SLC19A1: variants seen among roughly 807,000 people sequenced by gnomAD.
SLC19A1 encodes the protein solute carrier family 19 member 1.
SLC19A1 carries 37 observed loss-of-function variants against 35.3 expected under a neutral mutation model. The observed-to-expected ratio is 1.05, with a 90% CI of 0.81 to 1.38. The LOEUF is 1.38. Ranked by LOEUF, SLC19A1 falls within the 40% of genes most tolerant of loss-of-function variation. The probability of loss-of-function intolerance (pLI) is 0.00; values close to 1 mark genes in which losing one functional copy is unlikely to be tolerated. For synonymous variants in SLC19A1, 460 were observed against 398.5 expected, an observed-to-expected ratio of 1.15 and a Z score of -1.84; for missense variants, 831 against 826.9, an observed-to-expected ratio of 1.00 and a Z score of -0.06.
intron 3 of SLC19A1, chr21:45,506,112 A>C: frequency 7.8e-7 from 1 of 1,284,848 alleles, no homozygotes; most frequent in Non-Finnish European, 1.1e-6. Context: ...CTTTTGGTAA[A>C]GTTTAGTAAA....
chr21:45,515,880 C>T lies in SLC19A1; in HGVS notation c.1554G>A (p.Gln518=). 6.4e-7 allele frequency: 1 copy of T among 1,573,304 alleles called. No homozygotes were observed. The highest frequency in any genetic ancestry group is 8.6e-7 in the Non-Finnish European group (1 of 1,159,428). The change falls in exon 6 of 6, where the codon CAG becomes CAA. Residue 518 remains glutamine, a synonymous_variant. Transcript: ENST00000311124. ...GGGCCAGGTATGGGTCGCTCTGTCT[C>T]TGCTCCAGGGAGGCTGGCCCCACAG... ...LGAVGPASLE[Q]RQSDPYLAQA...
rs892346959 is a variant in SLC19A1 at position 45,540,179 on chromosome 21, C to A, written c.-49-2171G>T. Reference sequence around the variant, plus strand: ...GGGTAGAGCTGGACATACCTCAGACCGCACCCACTCCTCCCCACTGGGAGA... The same window carrying A: ...GGGTAGAGCTGGACATACCTCAGACAGCACCCACTCCTCCCCACTGGGAGA... On this transcript the variant is annotated intron_variant, in intron 1 of 5. Transcript: ENST00000311124. This position sits in a 1 kb window ranked among gnomAD's most constrained non-coding sequence, Gnocchi z 5.5. Among the ~76,000 whole-genome samples the A allele has an allele frequency of 2.0e-5, 3 of 152,152 alleles. No homozygotes were observed. In the East Asian group the frequency reaches 5.8e-4, roughly 29 times the overall value.
At chr21:45,507,646 T>C, downstream of SLC19A1, 3 of 1,527,838 alleles carry the variant, frequency 2.0e-6, no homozygotes, top group Non-Finnish European at 2.7e-6. Context: ...CATGAGGGGG[T>C]ATGTGCTGTC....
At chr21:45,536,124 CCCACCAAGTGGCA>C (rs1431386512) in intron 2 of SLC19A1, 1 of 176,188 alleles carries the variant, frequency 5.7e-6, no homozygotes, top group East Asian at 1.6e-4. Flanking sequence ...GATCGGGGGC[CCCACCAAGTGGCA>C]GGTGCGCAGA....
intron 5 of SLC19A1, among the ~76,000 whole-genome samples, chr21:45,521,711 C>T (rs1013708358): frequency 6.6e-6 from 1 of 152,170 alleles, no homozygotes; most frequent in African/African-American, 2.4e-5. Flanking sequence ...AACAGACTCA[C>T]ATAAATATGC....
In SLC19A1 at chr21:45,537,919, A is replaced by G; in HGVS notation, c.41T>C (p.Val14Ala). 1 of 1,591,168 alleles carries G rather than the reference A, an allele frequency of 6.3e-7. No individual in the cohort carries two copies. Among genetic ancestry groups the G allele is most frequent in the South Asian group, 1.1e-5 (1 of 88,284 alleles). Residue 14 changes from valine (V) to alanine (A), a missense_variant, in exon 2 of 6, where the codon GTG (valine) becomes GCG (alanine). Physicochemically the swap from Val to Ala is moderately conservative, Grantham distance 64. Transcript: ENST00000311124. The stretch of plus-strand genomic sequence containing the variant: ...GAGCTCGGGGTCAGGCCCAGGTTCC[A>G]CGGGCACCTGCTTCTCCACCGCTGG... ...SSPAVEKQVP[V>A]EPGPDPELRS...
downstream of SLC19A1, among the ~76,000 whole-genome samples, chr21:45,508,501 GGTGGGTAAGTGGGTTA>G (rs1035741195): frequency 2.7e-5 from 4 of 150,820 alleles, no homozygotes; most frequent in Admixed American, 2.6e-4. Context: ...GTGGATGGAT[GGTGGGTAAGTGGGTTA>G]GTGGATGGGT....
downstream of SLC19A1, chr21:45,511,313 A>G (rs2037596121): frequency 2.7e-6 from 2 of 738,212 alleles, no homozygotes; most frequent in Non-Finnish European, 4.9e-6. Context: ...TTTCCCCCCG[A>G]GTTTTTGGAC....
At chr21:45,507,950 A>G (rs1465475804), downstream of SLC19A1, among the ~76,000 whole-genome samples, 1 of 152,222 alleles carries the variant, frequency 6.6e-6, no homozygotes, top group African/African-American at 2.4e-5. Context: ...ACAAGAATGG[A>G]TATCTCTAAG....
rs756983114 is a variant in SLC19A1 at position 45,517,978 on chromosome 21, C to T, written c.1294-1838G>A. ...TCATACCCAAAATGCTTGCATCTCA[C>T]TAAAAAATCCCTTGGCACACTAAAC... On this transcript the variant is annotated intron_variant, in intron 5 of 5. Coordinates refer to ENST00000311124, the MANE Select transcript of SLC19A1 (RefSeq NM_194255.4). The surrounding 1 kb of genome is among the most constrained non-coding windows in gnomAD (Gnocchi z 4.4). Among the ~76,000 whole-genome samples the T allele has an allele frequency of 9.2e-5, 14 of 152,198 alleles. No individual in the cohort carries two copies. The highest frequency in any genetic ancestry group is 1.3e-4 in the Non-Finnish European group (9 of 68,038).
At chr21:45,509,831 G>A (rs116463079), downstream of SLC19A1, among the ~76,000 whole-genome samples, 2,401 of 152,304 alleles carry the variant, frequency 0.016, 63 homozygotes, top group African/African-American at 0.055. Flanking sequence ...AGGAACCGGC[G>A]TACCTCCGCC....
chr21:45,530,090 GGT>G lies in SLC19A1; in HGVS notation c.1151+678_1151+679del, dbSNP rs2077812646. ...GAGCATGTGGTGTGTGTTCGTGTGTGGTGTGTCTGTGTGGTGTATCCATCTGT... is the reference window on the plus strand; with the variant it reads ...GAGCATGTGGTGTGTGTTCGTGTGTGGTGTCTGTGTGGTGTATCCATCTGT... On this transcript the variant is annotated intron_variant, in intron 4 of 5. Transcript: ENST00000311124. This position sits in a 1 kb window ranked among gnomAD's most constrained non-coding sequence, Gnocchi z 5.3. 6.8e-6 allele frequency among the ~76,000 whole-genome samples: 1 copy of G among 148,056 alleles called. No individual in the cohort carries two copies. Among genetic ancestry groups the G allele is most frequent in the African/African-American group, 2.5e-5 (1 of 39,832 alleles).
intron 3 of SLC19A1, chr21:45,505,388 C>G: frequency 6.4e-7 from 1 of 1,571,910 alleles, no homozygotes; most frequent in Non-Finnish European, 8.7e-7. Context: ...CCGGGCCCCC[C>G]TGGGCCCCCT....
chr21:45,513,532 C>G lies in SLC19A1; in HGVS notation c.*2126G>C, dbSNP rs559974912. ...GTCAGTCACAGCCACCCCTGAGATC[C>G]GGCAACATCAACCCGAGTCATTCGT... On this transcript the variant is annotated 3_prime_UTR_variant, in exon 6 of 6. Coordinates refer to ENST00000311124, the MANE Select transcript of SLC19A1 (RefSeq NM_194255.4). The G allele has an allele frequency of 4.0e-5, 5 of 125,184 alleles. No individual in the cohort carries two copies. The highest frequency in any genetic ancestry group is 1.8e-4 in the African/African-American group (5 of 28,112). 7.8% of individuals were successfully genotyped at this position (125,184 alleles called of 1,614,324 possible).
At chr21:45,512,085 C>G (rs2037644127), downstream of SLC19A1, 6 of 1,294,336 alleles carry the variant, frequency 4.6e-6, no homozygotes, top group Non-Finnish European at 6.6e-6. Context: ...CCCCTGGTAA[C>G]CCCAGGGCTG....
chr21:45,539,310 T>C (rs1382113618), intron 1 of SLC19A1, among the ~76,000 whole-genome samples: 1 of 152,174 alleles, frequency 6.6e-6, no homozygotes, highest in Non-Finnish European at 1.5e-5. Flanking sequence ...CATCTGCTGC[T>C]CAGGTGGGGT....
Position 45,525,125 on chromosome 21 carries a change from G to A in SLC19A1, c.1293+692C>T, listed in dbSNP as rs779994676. ...GAGTCACTGAAGCTGAACAGACTCCGCACCCTCAGAGGATCAGGACTAACC... is the reference window on the plus strand; with the variant it reads ...GAGTCACTGAAGCTGAACAGACTCCACACCCTCAGAGGATCAGGACTAACC... On this transcript the variant is annotated intron_variant, in intron 5 of 5. Transcript: ENST00000311124. Among the ~76,000 whole-genome samples, 91 of 152,200 alleles carry A rather than the reference G, an allele frequency of 6.0e-4. 1 individual carries two copies. Among genetic ancestry groups the A allele is most frequent in the African/African-American group, 4.8e-4 (20 of 41,442 alleles).
chr21:45,546,819 A>T (rs1207664612), upstream of SLC19A1, among the ~76,000 whole-genome samples: 1 of 152,184 alleles, frequency 6.6e-6, no homozygotes, highest in Non-Finnish European at 1.5e-5. Flanking sequence ...CTACAGGAAC[A>T]TCCTGCGGTC....
chr21:45,555,066 G>A (rs1375547722), intron 1 of SLC19A1, among the ~76,000 whole-genome samples: 2 of 150,146 alleles, frequency 1.3e-5, no homozygotes, highest in South Asian at 2.1e-4. Context: ...CCGACGCAAC[G>A]CGGGGAGTGG....
Sources: allele counts gnomAD v4.1 joint callset (sites outside exome capture counted in the v4.1 genomes callset), GRCh38; gene constraint gnomAD v4.1.1; non-coding constraint Gnocchi (gnomAD v3.1); transcripts MANE v1.5; gene names NCBI Gene and HGNC (gene_info 2026-07-23, HGNC 2026-07-21).